Variants in EDRF1 observed in about 807,000 individuals in gnomAD.
The protein encoded by EDRF1 is erythroid differentiation regulatory factor 1.
EDRF1 carries 69 observed loss-of-function variants against 148.7 expected under a neutral mutation model. The ratio of observed to expected loss-of-function variants is 0.46; its 90% confidence interval spans 0.38 to 0.57. EDRF1 has a LOEUF of 0.57. Ranked by LOEUF, EDRF1 falls within the 20% of genes least tolerant of loss-of-function variation. EDRF1 has a pLI of 0.00. For missense variants in EDRF1, 1,118 were observed against 1,478.7 expected (o/e 0.76, Z 4.00); for synonymous variants, 515 against 532.8 (o/e 0.97, Z 0.46).
chr10:125,748,119 G>T, intron 21 of EDRF1, 107 bp downstream of exon 21: 1 of 1,346,202 alleles, frequency 7.4e-7, no homozygotes, highest in South Asian at 1.2e-5. Flanking sequence ...CGTCCACTCA[G>T]GTGAACTGCT....
intron 13 of EDRF1, 96 bp from the exon 14 acceptor site, chr10:125,737,822 T>C: frequency 3.3e-6 from 4 of 1,222,000 alleles, no homozygotes; most frequent in Non-Finnish European, 4.8e-6. Context: ...AAGATTTTTG[T>C]TGATAATGCT....
chr10:125,721,054 T>A (rs1847971532), intron 1 of EDRF1, 150 bp from the exon 2 acceptor site: 3 of 756,496 alleles, frequency 4.0e-6, no homozygotes, highest in Non-Finnish European at 6.8e-6. Flanking sequence ...ATGTTACCAT[T>A]TATGCTCAAA....
Position 125,730,268 on chromosome 10 carries a change from C to G in EDRF1, c.1017-20C>G, listed in dbSNP as rs750751043. ...AACATCTTAATTAAACCAAATAACA[C>G]TAGAAATGTATATTTTTAGGGATAA... On this transcript the variant is annotated intron_variant, in intron 8 of 24. Coordinates refer to ENST00000356792, the MANE Select transcript of EDRF1 (RefSeq NM_001202438.2). 6.4e-7 allele frequency: 1 copy of G among 1,559,198 alleles called. No homozygotes were observed. Among genetic ancestry groups the G allele is most frequent in the Non-Finnish European group, 8.8e-7 (1 of 1,130,162 alleles).
intron 21 of EDRF1, chr10:125,749,179 G>T (rs554539559): frequency 2.0e-6 from 1 of 508,666 alleles, no homozygotes; most frequent in African/African-American, 1.9e-5. Flanking sequence ...TTCAGGAGGC[G>T]GAGGTTGCAG....
At chr10:125,740,315 C>A in intron 15 of EDRF1, 148 bp from the exon 16 acceptor site, 1 of 853,826 alleles carries the variant, frequency 1.2e-6, no homozygotes, top group Non-Finnish European at 1.9e-6. Flanking sequence ...CATTTCACTC[C>A]AGTGTATTTA....
intron 24 of EDRF1, chr10:125,756,985 T>A (rs1392172349): frequency 1.5e-5 from 6 of 409,448 alleles, no homozygotes; most frequent in Non-Finnish European, 2.4e-5. Context: ...ACTAATTTTT[T>A]AATTTTTTGT....
chr10:125,723,848 C>T lies in EDRF1; in HGVS notation c.422C>T (p.Ser141Leu), dbSNP rs1379922429. ...CTCCTGAAAATTCCCTACAGCAAGT[C>T]GCACGTGAGCATGGCAGTACACCGC... ...KKLLKIPYSK[S>L]HVSMAVHRIG... is the part of the protein sequence containing the mutation. Residue 141 changes from serine to leucine, a missense_variant, in exon 4 of 25, where the codon TCG becomes TTG. Physicochemically the swap from Ser to Leu is moderately radical, Grantham distance 145. Transcript: ENST00000356792. 1 of 1,613,462 alleles carries T rather than the reference C, an allele frequency of 6.2e-7. No individual in the cohort carries two copies. Among genetic ancestry groups the T allele is most frequent in the African/African-American group, 1.3e-5 (1 of 74,844 alleles).
intron 24 of EDRF1, among the ~76,000 whole-genome samples, chr10:125,755,475 G>T (rs1193863247): frequency 6.6e-6 from 1 of 152,208 alleles, no homozygotes; most frequent in Non-Finnish European, 1.5e-5. Flanking sequence ...TAATGGGTTT[G>T]TGTGGTTTGG....
At chr10:125,725,134 T>G (rs991904733) in intron 4 of EDRF1, among the ~76,000 whole-genome samples, 184 bp from the exon 5 acceptor site, 2 of 152,176 alleles carry the variant, frequency 1.3e-5, no homozygotes, top group Admixed American at 6.5e-5. Flanking sequence ...AAGACGGGTT[T>G]CCTTTAGGAA....
intron 22 of EDRF1, 113 bp from the exon 23 acceptor site, chr10:125,752,686 C>A: frequency 1.4e-6 from 1 of 705,918 alleles, no homozygotes; most frequent in Non-Finnish European, 2.5e-6. Flanking sequence ...TTAAGATTCT[C>A]ATTAGCTTCC....
In EDRF1 at chr10:125,758,934, T is replaced by C. The variant is rs143783290; in HGVS notation, c.3546-4367T>C. Among the ~76,000 whole-genome samples, 102 of 152,234 alleles carry C rather than the reference T, an allele frequency of 6.7e-4. 1 individual carries two copies. In the South Asian group the frequency reaches 0.01, roughly 15 times the overall value. On this transcript the variant is annotated intron_variant, in intron 24 of 24. Transcript: ENST00000356792. The stretch of plus-strand genomic sequence containing the variant: ...TTCAGAGTGTTTTTTTCTGTTCCCT[T>C]CCCCTCTCTTCATTGACTTTAACCA...
At chr10:125,759,754 A>T (rs1215402503) in intron 24 of EDRF1, among the ~76,000 whole-genome samples, 1 of 151,688 alleles carries the variant, frequency 6.6e-6, no homozygotes, top group African/African-American at 2.4e-5. Context: ...TCTGTCGCCC[A>T]CGCTGGAGTG....
At position 125,739,138 on chromosome 10, in the gene EDRF1, G is replaced by A. The variant is rs1848887509; in HGVS notation, c.1981+693G>A. On this transcript the variant is annotated intron_variant, in intron 15 of 24. Coordinates refer to ENST00000356792, the MANE Select transcript of EDRF1 (RefSeq NM_001202438.2). ...TCAATTGTTTAAAAAAAAAAAAAGT[G>A]TAGAAAGCCTGTATGTTTGAAGTAC... Among the ~76,000 whole-genome samples, 3 of 151,362 alleles carry A rather than the reference G, an allele frequency of 2.0e-5. No homozygotes were observed. In the South Asian group the frequency reaches 6.3e-4, roughly 32 times the overall value.
intron 14 of EDRF1, 30 bp downstream of exon 14, chr10:125,738,019 C>T (rs3740180): frequency 5.6e-6 from 9 of 1,602,010 alleles, no homozygotes; most frequent in African/African-American, 1.3e-5. Context: ...TCACTTTTTT[C>T]GTAAAGTTTG....
At chr10:125,747,786 C>T in intron 20 of EDRF1, 77 bp from the exon 21 acceptor site, 2 of 1,608,644 alleles carry the variant, frequency 1.2e-6, no homozygotes, top group East Asian at 4.5e-5. Context: ...CCCTAATAAG[C>T]AGTATTTAAA....
chr10:125,723,730 A>G, intron 3 of EDRF1, 81 bp from the exon 4 acceptor site: 1 of 1,424,466 alleles, frequency 7.0e-7, no homozygotes, highest in Admixed American at 1.8e-5. Context: ...ATGCTTTAAA[A>G]TGAATGAAGC....
intron 18 of EDRF1, among the ~76,000 whole-genome samples, chr10:125,744,152 G>A (rs775184949): frequency 1.3e-5 from 2 of 152,044 alleles, no homozygotes; most frequent in Non-Finnish European, 1.5e-5. Flanking sequence ...GAAAGGGGCT[G>A]AGGTAGAACT....
intron 21 of EDRF1, 72 bp from the exon 22 acceptor site, chr10:125,749,340 A>G (rs1849530565): frequency 1.9e-6 from 3 of 1,578,344 alleles, no homozygotes; most frequent in African/African-American, 1.3e-5. Flanking sequence ...GGGAAAAATA[A>G]CTAAGAAGCA....
intron 19 of EDRF1, among the ~76,000 whole-genome samples, chr10:125,746,443 T>A (rs1333969079): frequency 6.6e-6 from 1 of 152,170 alleles, no homozygotes; most frequent in African/African-American, 2.4e-5. Context: ...AATATACTCT[T>A]GCTGTATAAA....
Sources: gnomAD v4.1 joint callset for allele counts (sites outside exome capture counted in the v4.1 genomes callset) on GRCh38, gnomAD v4.1.1 for gene constraint, MANE v1.5 for transcripts, NCBI Gene and HGNC (gene_info 2026-07-23, HGNC 2026-07-21) for gene names.